The following PDK4 variants were observed in gnomAD, a reference collection of about 807,000 sequenced individuals.
PDK4 encodes pyruvate dehydrogenase kinase, isozyme 4.
PDK4 carries 43 observed loss-of-function variants against 51.7 expected under a neutral mutation model. The ratio of observed to expected loss-of-function variants is 0.83; its 90% CI spans 0.65 to 1.07. The LOEUF is 1.07. Among genes scored for constraint, PDK4 ranks in the 50% least tolerant of loss-of-function variants. PDK4 has a pLI of 0.00. For missense variants in PDK4, 498 were observed against 503.5 expected, an observed-to-expected ratio of 0.99 and a Z score of 0.10; for synonymous variants, 170 against 176.6, an observed-to-expected ratio of 0.96 and a Z score of 0.30.
Position 95,596,066 on chromosome 7 carries a change from T to C in PDK4, c.130+98A>G, listed in dbSNP as rs1791615536. On this transcript the variant is annotated intron_variant, in intron 1 of 10. Transcript: ENST00000005178. ...GGCTCAGCAGCAAAGTGAACCCCAG[T>C]TGTTTTAGCTTGAGCCTAGCCCTCC... is the stretch of plus-strand genomic sequence containing the variant. 23 of 1,297,976 alleles carry C rather than the reference T, an allele frequency of 1.8e-5. No individual in the cohort carries two copies. The East Asian group carries it at 6.4e-4, about 36-fold the overall frequency. The allele number at this position is 1,297,976 out of a possible 1,614,324, so 80.4% of individuals were successfully genotyped here.
In PDK4 at chr7:95,592,788, A is replaced by C; in HGVS notation, c.501T>G (p.Ile167Met). The C allele has an allele frequency of 1.2e-6, 2 of 1,613,040 alleles. No individual in the cohort carries two copies. The highest frequency in any genetic ancestry group is 1.7e-6 in the Non-Finnish European group (2 of 1,179,462). ...YFLDRFYMNRISTRMLMNQHI... is the reference protein window; with the variant it reads ...YFLDRFYMNRMSTRMLMNQHI... ...GCTGGTTCATCAGCATCCGAGTAGA[A>C]ATACGGTTCATGTAAAATCGATCCA... Residue 167 changes from isoleucine (I) to methionine (M), a missense_variant, in exon 4 of 11, where the codon ATT becomes ATG. Ile to Met is a conservative substitution (Grantham distance 10). Coordinates refer to ENST00000005178, the MANE Select transcript of PDK4 (RefSeq NM_002612.4).
chr7:95,592,117 A>T (rs1375713622), intron 5 of PDK4, 52 bp from the exon 6 acceptor site: 1 of 989,164 alleles, frequency 1.0e-6, no homozygotes, highest in Non-Finnish European at 1.5e-6. Flanking sequence ...TGCCAAGTAC[A>T]GTTCTCAAAT....
In PDK4 at chr7:95,595,163, A is replaced by C. The variant is rs192276835; in HGVS notation, c.132T>G (p.Gly44=). 32 of 1,609,080 alleles carry C rather than the reference A, an allele frequency of 2.0e-5. No homozygotes were observed. In the East Asian group the frequency reaches 7.1e-4, roughly 36 times the overall value. The change falls in exon 2 of 11, where the codon GGT becomes GGG. Residue 44 remains glycine (G), a splice_region_variant and synonymous_variant. Coordinates refer to ENST00000005178, the MANE Select transcript of PDK4 (RefSeq NM_002612.4). ...AAGTTCTTTCACATGCATTTTCTGAACCTATAATAAATGAAATCAATTTAG... is the reference window on the plus strand; with the variant it reads ...AAGTTCTTTCACATGCATTTTCTGACCCTATAATAAATGAAATCAATTTAG... ...PLSMKQLLDF[G]SENACERTSF...
chr7:95,587,591 A>C (rs2116712048), intron 8 of PDK4, 63 bp from the exon 9 acceptor site: 2 of 1,267,538 alleles, frequency 1.6e-6, no homozygotes, highest in East Asian at 4.6e-5. Context: ...TGTCTAAATA[A>C]AAATGGCTTT....
At chr7:95,595,693 A>C (rs142711707) in intron 1 of PDK4, among the ~76,000 whole-genome samples, 1 of 152,328 alleles carries the variant, frequency 6.6e-6, no homozygotes, top group East Asian at 1.9e-4. Context: ...TATAATGATA[A>C]AGAGACAAAG....
intron 1 of PDK4, 60 bp downstream of exon 1, chr7:95,596,104 T>C: frequency 2.0e-6 from 3 of 1,508,482 alleles, no homozygotes; most frequent in Non-Finnish European, 1.8e-6. Context: ...CTACCAAGGC[T>C]GAAAGTTAAG....
chr7:95,590,808 T>C (rs191399262), intron 6 of PDK4, among the ~76,000 whole-genome samples: 1 of 152,264 alleles, frequency 6.6e-6, no homozygotes, highest in South Asian at 2.1e-4. Context: ...AAGTATACTG[T>C]TTTGTTTTAA....
chr7:95,593,196 C>A (rs1002347790), intron 3 of PDK4, among the ~76,000 whole-genome samples: 1 of 152,022 alleles, frequency 6.6e-6, no homozygotes. Flanking sequence ...CCAATGCATT[C>A]ATCAGATGTA....
At chr7:95,586,855 T>G in intron 10 of PDK4, 155 bp downstream of exon 10, 1 of 536,642 alleles carries the variant, frequency 1.9e-6, no homozygotes, top group Admixed American at 3.1e-5. Context: ...TATTAAATAA[T>G]GTACACACAC....
chr7:95,594,064 A>T (rs2116719421), intron 2 of PDK4, among the ~76,000 whole-genome samples: 1 of 152,330 alleles, frequency 6.6e-6, no homozygotes, highest in East Asian at 1.9e-4. Context: ...TAGCAATAAT[A>T]CTTAGAAACA....
In PDK4 at chr7:95,589,974, T is replaced by C. The variant is rs147139958; in HGVS notation, c.695-258A>G. Among the ~76,000 whole-genome samples the C allele has an allele frequency of 8.5e-4, 129 of 152,206 alleles. 1 individual carries two copies. The highest frequency in any genetic ancestry group is 3.4e-3 in the Middle Eastern group (1 of 294). Reference sequence around the variant, plus strand: ...GTAGAGATAGGGTCTTACTATGTTGTCCAGGCTAGTCTTAAACTCCTGGCC... The same window carrying C: ...GTAGAGATAGGGTCTTACTATGTTGCCCAGGCTAGTCTTAAACTCCTGGCC... On this transcript the variant is annotated intron_variant, in intron 6 of 10. Transcript: ENST00000005178.
intron 10 of PDK4, 109 bp from the exon 11 acceptor site, chr7:95,585,890 A>G: frequency 1.1e-6 from 1 of 894,502 alleles, no homozygotes. Flanking sequence ...CCAAACATTC[A>G]AATACATTCA....
At position 95,587,589 on chromosome 7, in the gene PDK4, T is replaced by C. The variant is rs572694912; in HGVS notation, c.871-61A>G. 7.5e-4 allele frequency: 944 copies of C among 1,262,002 alleles called. 2 individuals carry two copies. The highest frequency in any genetic ancestry group is 1.0e-3 in the Non-Finnish European group (899 of 862,224). 78.2% of individuals were successfully genotyped at this position (1,262,002 alleles called of 1,614,324 possible). ...TAAAAACAATGTGCATTTGTCTAAA[T>C]AAAAATGGCTTTCCTTCATTTAAAA... On this transcript the variant is annotated intron_variant, in intron 8 of 10. Transcript: ENST00000005178.
rs962750718 is a variant in PDK4 at position 95,585,532 on chromosome 7, C to T, written c.*109G>A. The T allele has an allele frequency of 4.2e-6, 4 of 958,532 alleles. No individual in the cohort carries two copies. Among genetic ancestry groups the T allele is most frequent in the African/African-American group, 3.2e-5 (2 of 61,586 alleles). The allele number at this position is 958,532 out of a possible 1,614,324, so 59.4% of individuals were successfully genotyped here. On this transcript the variant is annotated 3_prime_UTR_variant, in exon 11 of 11. Transcript: ENST00000005178. ...ATCAGTGTTCTGATTAAGGAGTTTT[C>T]GTTGCTGTCGTTTGTTTTGGAGGAA...
intron 6 of PDK4, among the ~76,000 whole-genome samples, chr7:95,590,336 A>C (rs890014672): frequency 2.0e-5 from 3 of 152,212 alleles, no homozygotes; most frequent in African/African-American, 7.2e-5. Flanking sequence ...TCACCCAAAC[A>C]TTAAATCTTA....
At chr7:95,596,030 C>A in intron 1 of PDK4, 134 bp downstream of exon 1, 1 of 992,432 alleles carries the variant, frequency 1.0e-6, no homozygotes, top group Non-Finnish European at 1.4e-6. Context: ...GTGCTGGCGT[C>A]GAGGCTCCAG....
In PDK4 at chr7:95,596,199, G is replaced by A. The variant is rs759597184; in HGVS notation, c.95C>T (p.Pro32Leu). 3.7e-6 allele frequency: 6 copies of A among 1,604,190 alleles called. No homozygotes were observed. Among genetic ancestry groups the A allele is most frequent in the East Asian group, 2.3e-5 (1 of 43,350 alleles). ...REVEHFSRYS[P>L]SPLSMKQLLD... is the part of the protein sequence containing the mutation. ...TAGCTGCTTCATGGACAGCGGGGAC[G>A]GGCTGTAGCGCGAGAAATGCTCCAC... is the stretch of plus-strand genomic sequence containing the variant. Residue 32 changes from proline to leucine, a missense_variant, in exon 1 of 11, where the codon CCG becomes CTG. Pro to Leu is a moderately conservative substitution (Grantham distance 98, BLOSUM62 -3). Transcript: ENST00000005178.
Position 95,596,243 on chromosome 7 carries a change from G to C in PDK4, c.51C>G (p.Ala17=), listed in dbSNP as rs780975319. ...GCTCCACCTCTCGGGGCACCAGGCCGGCGCCGTTGAGCGAGCCAGCGCTGC... is the reference window on the plus strand; with the variant it reads ...GCTCCACCTCTCGGGGCACCAGGCCCGCGCCGTTGAGCGAGCCAGCGCTGC... The part of the protein sequence containing the change: ...VLRSAGSLNG[A]GLVPREVEHF... The change falls in exon 1 of 11, where the codon GCC becomes GCG. Residue 17 remains alanine, a synonymous_variant. Coordinates refer to ENST00000005178, the MANE Select transcript of PDK4 (RefSeq NM_002612.4). 7 of 1,597,794 alleles carry C rather than the reference G, an allele frequency of 4.4e-6. No homozygotes were observed. The East Asian group carries it at 1.6e-4, about 37-fold the overall frequency.
rs1260232459 is a variant in PDK4, at chr7:95,596,380, G to T, written c.-87C>A. On this transcript the variant is annotated 5_prime_UTR_variant, in exon 1 of 11. Transcript: ENST00000005178. ...GCAGAGCCTGGTTCCGAGGGGGCGCGGCGCGTCCGGGCGAGGACTGCAGGT... is the reference window on the plus strand; with the variant it reads ...GCAGAGCCTGGTTCCGAGGGGGCGCTGCGCGTCCGGGCGAGGACTGCAGGT... The T allele has an allele frequency of 1.4e-6, 2 of 1,403,086 alleles. No homozygotes were observed. Among genetic ancestry groups the T allele is most frequent in the Non-Finnish European group, 1.9e-6 (2 of 1,072,078 alleles). The allele number at this position is 1,403,086 out of a possible 1,614,324, so 86.9% of individuals were successfully genotyped here. A position where few individuals can be genotyped will look rare whatever the true frequency, so the allele number is the denominator to read the frequency against.
Sources: allele counts gnomAD v4.1 joint callset (sites outside exome capture counted in the v4.1 genomes callset), GRCh38; gene constraint gnomAD v4.1.1; transcripts MANE v1.5; gene names NCBI Gene and HGNC (gene_info 2026-07-23, HGNC 2026-07-21).